TEAD1: variants seen among roughly 807,000 people sequenced by gnomAD.
TEAD1 encodes the protein transcriptional enhancer factor TEF-1.
In TEAD1, 9 loss-of-function variants were observed where a neutral mutation model predicts 54.9. The ratio of observed to expected loss-of-function variants is 0.16; its 90% CI spans 0.10 to 0.29. The LOEUF (loss-of-function observed/expected upper bound fraction) is 0.29. Among genes scored for constraint, TEAD1 ranks in the 10% least tolerant of loss-of-function variants. The pLI is 1.00. For missense variants in TEAD1, 387 were observed against 535.9 expected, an observed-to-expected ratio of 0.72 and a Z score of 2.74; for synonymous variants, 200 against 187.8, an observed-to-expected ratio of 1.07 and a Z score of -0.53.
At chr11:12,722,410 C>G (rs989999367) in intron 2 of TEAD1, among the ~76,000 whole-genome samples, 5 of 152,180 alleles carry the variant, frequency 3.3e-5, no homozygotes, top group African/African-American at 1.2e-4. Flanking sequence ...AAACCTCATG[C>G]AGGCAGCCTT....
chr11:12,850,303 G>C (rs1379734168), intron 3 of TEAD1, among the ~76,000 whole-genome samples: 1 of 152,182 alleles, frequency 6.6e-6, no homozygotes, highest in Non-Finnish European at 1.5e-5. Context: ...TGGCGTGGTG[G>C]CTCATGCCTG....
chr11:12,841,892 C>T (rs1260912126), intron 3 of TEAD1, among the ~76,000 whole-genome samples: 1 of 152,186 alleles, frequency 6.6e-6, no homozygotes, highest in East Asian at 1.9e-4. Flanking sequence ...TACTTTTCCA[C>T]ACTTACCCGT....
intron 2 of TEAD1, among the ~76,000 whole-genome samples, chr11:12,706,523 A>T (rs750642287): frequency 1.3e-5 from 2 of 152,248 alleles, no homozygotes; most frequent in Non-Finnish European, 2.9e-5. Flanking sequence ...CAGATAAATT[A>T]TCTGTTTTGT....
chr11:12,880,153 T>A (rs888949956), intron 6 of TEAD1, among the ~76,000 whole-genome samples: 1 of 152,098 alleles, frequency 6.6e-6, no homozygotes, highest in Non-Finnish European at 1.5e-5. Context: ...AAATGTGCCT[T>A]TCTGGGTTGG....
chr11:12,938,715 G>T lies in TEAD1; in HGVS notation c.*1493G>T, dbSNP rs952762446. On this transcript the variant is annotated 3_prime_UTR_variant, in exon 13 of 13. Coordinates refer to ENST00000527636, the MANE Select transcript of TEAD1 (RefSeq NM_021961.6). ...TCAACTTTCCAATCTAAGTATTCCA[G>T]AGCATTGCCCAGGCAGAGTTGGTTT... The T allele has an allele frequency of 1.3e-5, 2 of 152,252 alleles. No homozygotes were observed. Among genetic ancestry groups the T allele is most frequent in the East Asian group, 3.9e-4 (2 of 5,194 alleles). 9.4% of individuals were successfully genotyped at this position (152,252 alleles called of 1,614,324 possible). A position where few individuals can be genotyped will look rare whatever the true frequency, so the allele number is the denominator to read the frequency against.
At chr11:12,764,510 C>A in intron 3 of TEAD1, 76 bp downstream of exon 3, 2 of 1,531,808 alleles carry the variant, frequency 1.3e-6, no homozygotes, top group Non-Finnish European at 1.8e-6. Flanking sequence ...GCTGGTCTTC[C>A]AGCAAGAGCT....
intron 2 of TEAD1, among the ~76,000 whole-genome samples, chr11:12,722,184 GA>G (rs1395325422): frequency 2.0e-5 from 3 of 152,200 alleles, no homozygotes; most frequent in African/African-American, 7.2e-5. Flanking sequence ...GAGGGGCTCT[GA>G]AATTCGAAGC....
intron 3 of TEAD1, among the ~76,000 whole-genome samples, chr11:12,836,746 G>C (rs1282600504): frequency 6.6e-6 from 1 of 152,138 alleles, no homozygotes; most frequent in Non-Finnish European, 1.5e-5. Flanking sequence ...ACCCATTCTT[G>C]TGCTGACTAT....
intron 3 of TEAD1, among the ~76,000 whole-genome samples, chr11:12,770,795 C>T (rs933229326): frequency 1.5e-4 from 23 of 152,124 alleles, no homozygotes; most frequent in Non-Finnish European, 3.2e-4. Flanking sequence ...AGTAGTGGAG[C>T]AGCACAAAGT....
intron 2 of TEAD1, among the ~76,000 whole-genome samples, chr11:12,700,939 C>G (rs867036342): frequency 6.6e-6 from 1 of 152,122 alleles, no homozygotes; most frequent in Non-Finnish European, 1.5e-5. Context: ...CTGTGATGGT[C>G]GGTGAGAGAG....
chr11:12,857,584 G>C (rs1198142949), intron 3 of TEAD1, among the ~76,000 whole-genome samples: 2 of 150,724 alleles, frequency 1.3e-5, no homozygotes, highest in African/African-American at 4.9e-5. Flanking sequence ...GTCTCTGTGT[G>C]TGTGTGTGTG....
At chr11:12,732,491 A>G (rs1156856742) in intron 2 of TEAD1, among the ~76,000 whole-genome samples, 2 of 152,210 alleles carry the variant, frequency 1.3e-5, no homozygotes, top group Non-Finnish European at 2.9e-5. Context: ...TGAAGAATAT[A>G]GAGAAGTCTA....
intron 3 of TEAD1, among the ~76,000 whole-genome samples, chr11:12,778,389 G>T (rs1945473842): frequency 6.6e-6 from 1 of 151,932 alleles, no homozygotes; most frequent in Non-Finnish European, 1.5e-5. Context: ...TTTTTGCTTT[G>T]TAAACTCCTA....
At chr11:12,848,598 A>G (rs1362864302) in intron 3 of TEAD1, among the ~76,000 whole-genome samples, 1 of 152,194 alleles carries the variant, frequency 6.6e-6, no homozygotes, top group Non-Finnish European at 1.5e-5. Flanking sequence ...CATGTATAAA[A>G]TGCTGAGCTA....
chr11:12,865,658 A>T (rs1947601751), intron 5 of TEAD1: 2 of 152,260 alleles, frequency 1.3e-5, no homozygotes, highest in East Asian at 3.9e-4. Context: ...AATATATTTT[A>T]TAGGAAAAAT....
intron 3 of TEAD1, among the ~76,000 whole-genome samples, chr11:12,829,278 C>T (rs1564954967): frequency 6.6e-6 from 1 of 152,158 alleles, no homozygotes; most frequent in Non-Finnish European, 1.5e-5. Flanking sequence ...GGCAATTGTT[C>T]AAAACATACG....
At chr11:12,718,344 C>T (rs1306122729) in intron 2 of TEAD1, among the ~76,000 whole-genome samples, 2 of 152,280 alleles carry the variant, frequency 1.3e-5, no homozygotes, top group East Asian at 1.9e-4. Context: ...TGTCCCCCGG[C>T]CCCTCACAGG....
intron 9 of TEAD1, among the ~76,000 whole-genome samples, chr11:12,892,204 C>T (rs190548542): frequency 2.0e-5 from 3 of 152,240 alleles, no homozygotes; most frequent in South Asian, 2.1e-4. Flanking sequence ...ACTAAAATTC[C>T]GTTGTCAGAA....
chr11:12,744,816 G>T (rs1156520902), intron 2 of TEAD1, among the ~76,000 whole-genome samples: 2 of 152,190 alleles, frequency 1.3e-5, no homozygotes, highest in African/African-American at 4.8e-5. Flanking sequence ...TGCTGACTCG[G>T]TGGGATAAAA....
Sources: gnomAD v4.1 joint callset for allele counts (sites outside exome capture counted in the v4.1 genomes callset) on GRCh38, gnomAD v4.1.1 for gene constraint, MANE v1.5 for transcripts, NCBI Gene and HGNC (gene_info 2026-07-23, HGNC 2026-07-21) for gene names.